Variants in ADGRB3 observed in about 807,000 individuals in gnomAD.
The protein encoded by ADGRB3 is brain-specific angiogenesis inhibitor 3.
In ADGRB3, 37 loss-of-function variants were observed where a neutral mutation model predicts 193.4. The ratio of observed to expected loss-of-function variants is 0.19; its 90% CI spans 0.15 to 0.25. The LOEUF (loss-of-function observed/expected upper bound fraction) is 0.25. Ranked by LOEUF, ADGRB3 falls within the 10% of genes least tolerant of loss-of-function variation. The pLI, the probability that ADGRB3 is intolerant of heterozygous loss-of-function variation, is 1.00. For missense variants in ADGRB3, 1,637 were observed against 1,852.9 expected (o/e 0.88, Z 2.14); for synonymous variants, 690 against 644.2 (o/e 1.07, Z -1.08).
chr6:69,122,920 G>GATA (rs1773753424), intron 17 of ADGRB3, among the ~76,000 whole-genome samples: 1 of 150,688 alleles, frequency 6.6e-6, no homozygotes, highest in Non-Finnish European at 1.5e-5. Flanking sequence ...AGAAAACAAG[G>GATA]ATAATAATAA....
chr6:69,000,133 C>T (rs928167406), intron 11 of ADGRB3, among the ~76,000 whole-genome samples: 2 of 152,060 alleles, frequency 1.3e-5, no homozygotes, highest in Non-Finnish European at 2.9e-5. Context: ...GTCCAGCTAT[C>T]TTAGTATCTT....
At chr6:68,864,632 G>A (rs2150216312) in intron 3 of ADGRB3, among the ~76,000 whole-genome samples, 1 of 152,232 alleles carries the variant, frequency 6.6e-6, no homozygotes, top group African/African-American at 2.4e-5. Context: ...CTGTTATTTG[G>A]AGGTCTATGT....
intron 16 of ADGRB3, among the ~76,000 whole-genome samples, chr6:69,070,078 G>C (rs1369193511): frequency 6.6e-6 from 1 of 152,124 alleles, no homozygotes; most frequent in East Asian, 1.9e-4. Flanking sequence ...TGTAACATCT[G>C]ACTCAGAGCA....
At chr6:69,250,116 A>G (rs771251455) in intron 20 of ADGRB3, among the ~76,000 whole-genome samples, 6 of 152,176 alleles carry the variant, frequency 3.9e-5, no homozygotes, top group African/African-American at 7.2e-5. Flanking sequence ...TAGTTTTCAT[A>G]TATCTCTATA....
rs79524845 is a variant in ADGRB3, at chr6:68,957,430, G to A, written c.1525+621G>A. ...ATTAAAATATTATTGACACACTGAG[G>A]ACTCAATAAGTAAGTGAAAGTCAGG... On this transcript the variant is annotated intron_variant, in intron 8 of 31. Coordinates refer to ENST00000370598, the MANE Select transcript of ADGRB3 (RefSeq NM_001704.3). 6.6e-3 allele frequency among the ~76,000 whole-genome samples: 1,010 copies of A among 152,170 alleles called. 12 individuals carry two copies. Among genetic ancestry groups the A allele is most frequent in the African/African-American group, 0.022 (913 of 41,528 alleles).
chr6:69,214,371 C>G (rs891602314), intron 17 of ADGRB3, among the ~76,000 whole-genome samples: 1 of 152,088 alleles, frequency 6.6e-6, no homozygotes, highest in Non-Finnish European at 1.5e-5. Context: ...CTGCTTGACC[C>G]ACTGTAGAGT....
chr6:68,727,500 C>T (rs1175777403), intron 3 of ADGRB3, among the ~76,000 whole-genome samples: 2 of 151,450 alleles, frequency 1.3e-5, no homozygotes, highest in African/African-American at 4.8e-5. Context: ...CAAATTATGT[C>T]AATACTGTTC....
At chr6:69,343,195 T>C (rs925293659) in intron 26 of ADGRB3, among the ~76,000 whole-genome samples, 20 of 151,864 alleles carry the variant, frequency 1.3e-4, no homozygotes, top group Admixed American at 6.6e-5. Context: ...CTTTTTTTTT[T>C]TATTATACTT....
chr6:69,007,693 T>TCTCTCACACA (rs1232770873), intron 11 of ADGRB3, among the ~76,000 whole-genome samples: 2 of 90,080 alleles, frequency 2.2e-5, no homozygotes, highest in African/African-American at 8.0e-5. Context: ...TCTCTCTCTC[T>TCTCTCACACA]CACACACACA....
chr6:68,721,875 A>G (rs1004646973), intron 3 of ADGRB3, among the ~76,000 whole-genome samples: 23 of 151,116 alleles, frequency 1.5e-4, no homozygotes, highest in Non-Finnish European at 2.5e-4. Flanking sequence ...AATAAAAATA[A>G]ATGTTTAGAA....
intron 3 of ADGRB3, among the ~76,000 whole-genome samples, chr6:68,756,336 A>G (rs1486809535): frequency 1.3e-5 from 2 of 152,212 alleles, no homozygotes; most frequent in Non-Finnish European, 2.9e-5. Flanking sequence ...GTTAAGAACT[A>G]AAACAATTTA....
chr6:68,953,949 G>A (rs183129717), intron 6 of ADGRB3, among the ~76,000 whole-genome samples: 7 of 152,094 alleles, frequency 4.6e-5, no homozygotes, highest in African/African-American at 1.7e-4. Context: ...AACTGATCTT[G>A]GAAAAAAGTA....
chr6:69,071,863 G>C (rs939263823), intron 16 of ADGRB3, among the ~76,000 whole-genome samples: 1 of 152,000 alleles, frequency 6.6e-6, no homozygotes, highest in Non-Finnish European at 1.5e-5. Context: ...CTCTCACCGT[G>C]TCATTACATT....
At chr6:69,331,548 C>G in intron 23 of ADGRB3, 1 of 985,294 alleles carries the variant, frequency 1.0e-6, no homozygotes, top group Non-Finnish European at 1.2e-6. Flanking sequence ...TGTTCTCCCT[C>G]AACTAAGCTG....
At chr6:68,825,200 C>T (rs1240934298) in intron 3 of ADGRB3, among the ~76,000 whole-genome samples, 11 of 151,418 alleles carry the variant, frequency 7.3e-5, no homozygotes, top group African/African-American at 2.7e-4. Context: ...ATTTTTTTTT[C>T]GTAAATTAAT....
At chr6:68,834,158 T>C (rs1235567553) in intron 3 of ADGRB3, among the ~76,000 whole-genome samples, 1 of 152,104 alleles carries the variant, frequency 6.6e-6, no homozygotes, top group Non-Finnish European at 1.5e-5. Context: ...AACTCTTTTA[T>C]ATCATTCTGT....
intron 11 of ADGRB3, among the ~76,000 whole-genome samples, chr6:69,008,311 A>G (rs1182019738): frequency 6.6e-6 from 1 of 152,182 alleles, no homozygotes; most frequent in South Asian, 2.1e-4. Flanking sequence ...AGAACAGAAC[A>G]GCCAAATATA....
Position 69,370,078 on chromosome 6 carries a change from G to A in ADGRB3, c.4240-2328G>A, listed in dbSNP as rs1211645580. On this transcript the variant is annotated intron_variant, in intron 29 of 31. Transcript: ENST00000370598. Reference sequence around the variant, plus strand: ...CAAGAGATAGTAAATGAAATGCTGCGCTTGTAGTCAGAAGTCCTGAGTTTG... The same window carrying A: ...CAAGAGATAGTAAATGAAATGCTGCACTTGTAGTCAGAAGTCCTGAGTTTG... 4.6e-5 allele frequency among the ~76,000 whole-genome samples: 7 copies of A among 152,222 alleles called. No individual in the cohort carries two copies. In the East Asian group the frequency reaches 1.2e-3, roughly 25 times the overall value.
At chr6:69,381,873 G>T (rs1034251373) in intron 30 of ADGRB3, among the ~76,000 whole-genome samples, 1 of 151,830 alleles carries the variant, frequency 6.6e-6, no homozygotes, top group Non-Finnish European at 1.5e-5. Context: ...ACACAAATAT[G>T]AAGGCATAGT....
Sources: gnomAD v4.1 joint callset for allele counts (sites outside exome capture counted in the v4.1 genomes callset) on GRCh38, gnomAD v4.1.1 for gene constraint, MANE v1.5 for transcripts, NCBI Gene and HGNC (gene_info 2026-07-23, HGNC 2026-07-21) for gene names.